The following NTN1 variants were observed in gnomAD, a reference collection of about 807,000 sequenced individuals.
NTN1 encodes the protein netrin-1.
NTN1 carries 11 observed loss-of-function variants against 54.2 expected under a neutral mutation model. The ratio of observed to expected loss-of-function variants is 0.20; its 90% CI spans 0.13 to 0.34. The LOEUF (loss-of-function observed/expected upper bound fraction) is 0.34, where lower values mean the gene tolerates loss of function less well. Ranked by LOEUF, NTN1 falls within the 10% of genes least tolerant of loss-of-function variation. The probability of loss-of-function intolerance (pLI) is 1.00; values close to 1 mark genes in which losing one functional copy is unlikely to be tolerated. For missense variants in NTN1, 740 were observed against 893.1 expected (o/e 0.83, Z 2.18); for synonymous variants, 371 against 382.0 (o/e 0.97, Z 0.33).
At chr17:9,084,644 A>G (rs542462277) in intron 2 of NTN1, among the ~76,000 whole-genome samples, 57 of 115,464 alleles carry the variant, frequency 4.9e-4, no homozygotes, top group African/African-American at 1.5e-3. Context: ...TGTTCTTTGC[A>G]GTTTTTTTTT....
chr17:9,113,889 G>A (rs917445632), intron 2 of NTN1, among the ~76,000 whole-genome samples: 6 of 151,808 alleles, frequency 4.0e-5, no homozygotes, highest in African/African-American at 9.7e-5. Context: ...CAGGCCAGGC[G>A]CGGTGGCTCA....
chr17:9,031,845 C>A (rs1050123120), intron 2 of NTN1, among the ~76,000 whole-genome samples: 1 of 152,060 alleles, frequency 6.6e-6, no homozygotes, highest in Non-Finnish European at 1.5e-5. Flanking sequence ...ACCTGTAATC[C>A]TAACTACTCA....
intron 2 of NTN1, among the ~76,000 whole-genome samples, chr17:9,043,859 C>T (rs776915266): frequency 5.3e-5 from 8 of 152,024 alleles, no homozygotes; most frequent in Non-Finnish European, 1.2e-4. Flanking sequence ...GGATTACAGG[C>T]GTGAACCACT....
At chr17:9,121,886 T>C (rs2092232629) in intron 2 of NTN1, among the ~76,000 whole-genome samples, 1 of 152,154 alleles carries the variant, frequency 6.6e-6, no homozygotes, top group African/African-American at 2.4e-5. Context: ...TTTTCAGACC[T>C]CTTGTTATCT....
chr17:9,224,586 G>A (rs1205708520), intron 6 of NTN1, among the ~76,000 whole-genome samples: 1 of 152,218 alleles, frequency 6.6e-6, no homozygotes, highest in African/African-American at 2.4e-5. Flanking sequence ...CCAGGGAGTG[G>A]CCCAGCCTCC....
In NTN1 at chr17:9,241,956, A is replaced by AGCCCCTGGCCCTGGTTACTGCCTCTTG. The variant is rs1906228400; in HGVS notation, c.*1989_*2015dup. On this transcript the variant is annotated 3_prime_UTR_variant, in exon 7 of 7. Transcript: ENST00000173229. The stretch of plus-strand genomic sequence containing the variant: ...GGTGCTCTTGGGGGAGTGGCCACCG[A>AGCCCCTGGCCCTGGTTACTGCCTCTTG]GCCCCTGGCCCTGGTTACTGCCTCT... The AGCCCCTGGCCCTGGTTACTGCCTCTTG allele has an allele frequency of 6.6e-6, 1 of 152,260 alleles. No individual in the cohort carries two copies. Among genetic ancestry groups the AGCCCCTGGCCCTGGTTACTGCCTCTTG allele is most frequent in the African/African-American group, 2.4e-5 (1 of 41,418 alleles). The allele number at this position is 152,260 out of a possible 1,614,324, so 9.4% of individuals were successfully genotyped here.
At chr17:9,035,795 G>T (rs1037920723) in intron 2 of NTN1, among the ~76,000 whole-genome samples, 1 of 152,178 alleles carries the variant, frequency 6.6e-6, no homozygotes, top group Non-Finnish European at 1.5e-5. Context: ...GCTGAGGCAG[G>T]TGGATCACTT....
At chr17:9,019,459 C>T (rs1237084987), upstream of NTN1, among the ~76,000 whole-genome samples, 1 of 152,192 alleles carries the variant, frequency 6.6e-6, no homozygotes, top group African/African-American at 2.4e-5. Flanking sequence ...TAACAGCTAA[C>T]ATTTCTATAT....
intron 2 of NTN1, among the ~76,000 whole-genome samples, chr17:9,143,389 G>A (rs920047128): frequency 2.0e-5 from 3 of 152,188 alleles, no homozygotes; most frequent in Admixed American, 2.0e-4. Flanking sequence ...GGTGCATTTT[G>A]CTATCTCAGC....
intron 6 of NTN1, among the ~76,000 whole-genome samples, chr17:9,233,142 A>G (rs1434438415): frequency 2.0e-5 from 3 of 151,866 alleles, no homozygotes; most frequent in Non-Finnish European, 4.4e-5. Flanking sequence ...CTGGGGGCCC[A>G]CCTCGAGCAG....
At chr17:9,117,091 G>C (rs2092215741) in intron 2 of NTN1, among the ~76,000 whole-genome samples, 1 of 152,218 alleles carries the variant, frequency 6.6e-6, no homozygotes, top group Non-Finnish European at 1.5e-5. Context: ...AAGCTGTGAG[G>C]CGTGAAAGGG....
chr17:9,178,946 G>T (rs1436106772), intron 3 of NTN1: 2 of 152,250 alleles, frequency 1.3e-5, no homozygotes, highest in African/African-American at 2.4e-5. Flanking sequence ...GGCTTCTTGG[G>T]ACACAGCGAC....
chr17:9,104,388 T>C (rs1022435270), intron 2 of NTN1, among the ~76,000 whole-genome samples: 2 of 152,192 alleles, frequency 1.3e-5, no homozygotes, highest in Admixed American at 6.5e-5. Context: ...AGTACAAAGA[T>C]AGGTGATTGC....
At chr17:9,189,240 CAG>C (rs1175100421) in intron 5 of NTN1, among the ~76,000 whole-genome samples, 2 of 152,316 alleles carry the variant, frequency 1.3e-5, no homozygotes, top group African/African-American at 2.4e-5. Context: ...AACTGAGGCA[CAG>C]AGAGATGGGT....
intron 2 of NTN1, among the ~76,000 whole-genome samples, chr17:9,117,005 T>A (rs2092215158): frequency 6.6e-6 from 1 of 151,554 alleles, no homozygotes; most frequent in Admixed American, 6.6e-5. Context: ...TGTGGCTCCC[T>A]GAATGAGGGG....
At chr17:9,080,442 A>G (rs936767290) in intron 2 of NTN1, among the ~76,000 whole-genome samples, 2 of 152,244 alleles carry the variant, frequency 1.3e-5, no homozygotes, top group Admixed American at 6.5e-5. Flanking sequence ...CTCTAGAAGC[A>G]TCCAGTAGTG....
intron 2 of NTN1, among the ~76,000 whole-genome samples, chr17:9,080,628 G>A (rs555316690): frequency 3.3e-5 from 5 of 152,344 alleles, no homozygotes; most frequent in Non-Finnish European, 7.3e-5. Context: ...GTAGCTTCAG[G>A]ATGGAGGATG....
At chr17:9,124,108 C>T (rs895666351) in intron 2 of NTN1, among the ~76,000 whole-genome samples, 1 of 152,168 alleles carries the variant, frequency 6.6e-6, no homozygotes, top group Admixed American at 6.5e-5. Context: ...GCTGGGTCTG[C>T]GTCACCAGGT....
At chr17:9,018,623 TAAA>T (rs57153983), upstream of NTN1, among the ~76,000 whole-genome samples, 198 of 112,436 alleles carry the variant, frequency 1.8e-3, no homozygotes, top group South Asian at 4.5e-3. Context: ...GACTCCATCT[TAAA>T]AAAAAAAAAA....
Sources: allele counts gnomAD v4.1 joint callset (sites outside exome capture counted in the v4.1 genomes callset), GRCh38; gene constraint gnomAD v4.1.1; transcripts MANE v1.5; gene names NCBI Gene and HGNC (gene_info 2026-07-23, HGNC 2026-07-21).